HDAC4: variants seen among roughly 807,000 people sequenced by gnomAD.
HDAC4 encodes histone deacetylase A.
Under a neutral mutation model 135.1 loss-of-function variants are expected in HDAC4, and 16 were observed. That is an observed-to-expected ratio of 0.12 (90% confidence interval 0.08 to 0.18). The LOEUF (loss-of-function observed/expected upper bound fraction) is 0.18, where lower values mean the gene tolerates loss of function less well. Ranked by LOEUF, HDAC4 falls within the 10% of genes least tolerant of loss-of-function variation. HDAC4 has a pLI of 1.00. For synonymous variants in HDAC4, 685 were observed against 653.4 expected (o/e 1.05, Z -0.74); for missense variants, 1,143 against 1,511.8 (o/e 0.76, Z 4.05).
chr2:239,095,064 G>A lies in HDAC4; in HGVS notation c.2234-8C>T, dbSNP rs199975890. 2.9e-5 allele frequency: 46 copies of A among 1,613,700 alleles called. No homozygotes were observed. The highest frequency in any genetic ancestry group is 3.7e-5 in the Non-Finnish European group (44 of 1,179,960). On this transcript the variant is annotated splice_region_variant and splice_polypyrimidine_tract_variant and intron_variant, in intron 16 of 26. Transcript: ENST00000543185. ...ACACGGAGGCGAGCGAGCCTGTGGG[G>A]GGGAGGGAGACGGTCAGAGAGGCCA...
In HDAC4 at chr2:239,087,734, C is replaced by G. The variant is rs567941617; in HGVS notation, c.2389-120G>C. 2.2e-5 allele frequency: 20 copies of G among 926,742 alleles called. No individual in the cohort carries two copies. The South Asian group carries it at 2.8e-4, about 13-fold the overall frequency. 57.4% of individuals were successfully genotyped at this position (926,742 alleles called of 1,614,324 possible). ...GGCTACACAGGAGGACAGTTTCTTG[C>G]TGCACCCTGGCCACAGTGATGGGGA... On this transcript the variant is annotated intron_variant, in intron 18 of 26. Coordinates refer to ENST00000543185, the MANE Select transcript of HDAC4 (RefSeq NM_001378414.1).
In HDAC4 at chr2:239,331,752, C is replaced by T. The variant is rs1415076570; in HGVS notation, c.22+20926G>A. On this transcript the variant is annotated intron_variant, in intron 2 of 26. Coordinates refer to ENST00000543185, the MANE Select transcript of HDAC4 (RefSeq NM_001378414.1). This position sits in a 1 kb window ranked among gnomAD's most constrained non-coding sequence, Gnocchi z 4.5. ...AGAGGACAGGATGCAATCTAAAACACGGCGATGCACGAGGAGCCCAGGCCT... is the reference window on the plus strand; with the variant it reads ...AGAGGACAGGATGCAATCTAAAACATGGCGATGCACGAGGAGCCCAGGCCT... 1.3e-5 allele frequency among the ~76,000 whole-genome samples: 2 copies of T among 152,086 alleles called. No individual in the cohort carries two copies. Among genetic ancestry groups the T allele is most frequent in the Admixed American group, 6.5e-5 (1 of 15,282 alleles).
At chr2:239,053,826 TC>T (rs1200311639) in intron 25 of HDAC4, among the ~76,000 whole-genome samples, 8 of 152,102 alleles carry the variant, frequency 5.3e-5, no homozygotes, top group African/African-American at 1.9e-4. Flanking sequence ...GTGGCTCGAG[TC>T]CCTCCAGGAG....
chr2:239,063,499 C>T (rs2033078093), intron 24 of HDAC4, among the ~76,000 whole-genome samples: 4 of 152,212 alleles, frequency 2.6e-5, no homozygotes, highest in Admixed American at 1.3e-4. Flanking sequence ...CCACTGCGCC[C>T]GGCCAGCCCT....
intron 2 of HDAC4, among the ~76,000 whole-genome samples, chr2:239,263,095 C>T (rs1487888968): frequency 6.6e-6 from 1 of 152,198 alleles, no homozygotes; most frequent in Non-Finnish European, 1.5e-5. Context: ...GGCGGTGACA[C>T]AGGCACATAC....
At chr2:239,113,778 G>A (rs1012119224) in intron 13 of HDAC4, among the ~76,000 whole-genome samples, 1 of 152,212 alleles carries the variant, frequency 6.6e-6, no homozygotes, top group African/African-American at 2.4e-5. Flanking sequence ...AGGACCTGTG[G>A]ACGAGTGTTC....
At chr2:239,335,057 T>G (rs1195165776) in intron 2 of HDAC4, among the ~76,000 whole-genome samples, 1 of 142,306 alleles carries the variant, frequency 7.0e-6, no homozygotes. Flanking sequence ...CATATGGAAA[T>G]GCAAAGGGCT....
At chr2:239,056,114 G>A (rs915465162) in intron 24 of HDAC4, among the ~76,000 whole-genome samples, 42 of 152,348 alleles carry the variant, frequency 2.8e-4, no homozygotes, top group Admixed American at 1.5e-3. Flanking sequence ...AGGCCAGGGC[G>A]CCAGGCAGAA....
At chr2:239,275,005 A>G (rs2050270334) in intron 2 of HDAC4, among the ~76,000 whole-genome samples, 1 of 152,262 alleles carries the variant, frequency 6.6e-6, no homozygotes, top group South Asian at 2.1e-4. Flanking sequence ...AGAACAGATC[A>G]GCGGAGGGGC....
intron 12 of HDAC4, among the ~76,000 whole-genome samples, chr2:239,121,382 T>C (rs1457996985): frequency 6.6e-6 from 1 of 152,132 alleles, no homozygotes; most frequent in Non-Finnish European, 1.5e-5. Flanking sequence ...CCTCTCTTCC[T>C]GGGGGGCTGT....
At chr2:239,326,182 C>T (rs1203214450) in intron 2 of HDAC4, among the ~76,000 whole-genome samples, 1 of 152,048 alleles carries the variant, frequency 6.6e-6, no homozygotes, top group Non-Finnish European at 1.5e-5. Flanking sequence ...ACTGCTCATC[C>T]TTAAAAGTTT....
intron 17 of HDAC4, among the ~76,000 whole-genome samples, chr2:239,093,565 T>C (rs1308092825): frequency 4.6e-5 from 7 of 152,240 alleles, no homozygotes; most frequent in Non-Finnish European, 7.3e-5. Context: ...TGCCGGTGGC[T>C]GTACCTCAGG....
intron 2 of HDAC4, among the ~76,000 whole-genome samples, chr2:239,315,998 G>A (rs2053098719): frequency 6.6e-6 from 1 of 152,134 alleles, no homozygotes; most frequent in Non-Finnish European, 1.5e-5. Context: ...GAAAGACAAA[G>A]GCCAAAATCT....
chr2:239,301,642 A>G (rs2052278714), intron 2 of HDAC4, among the ~76,000 whole-genome samples: 1 of 151,992 alleles, frequency 6.6e-6, no homozygotes, highest in African/African-American at 2.4e-5. Flanking sequence ...CACCATGCCC[A>G]GCTAATGTTT....
At chr2:239,084,363 C>G in intron 19 of HDAC4, 121 bp from the exon 20 acceptor site, 1 of 715,900 alleles carries the variant, frequency 1.4e-6, no homozygotes, top group Non-Finnish European at 2.5e-6. Flanking sequence ...GAGTGCAGAG[C>G]TCCTGAATAC....
intron 22 of HDAC4, among the ~76,000 whole-genome samples, chr2:239,072,399 T>A (rs2034289254): frequency 6.6e-6 from 1 of 152,208 alleles, no homozygotes; most frequent in African/African-American, 2.4e-5. Context: ...GGGGGTCCCC[T>A]CACCAAGCCC....
rs944905167 is a variant in HDAC4, at chr2:239,370,091, C to T, written c.-219-17173G>A. Among the ~76,000 whole-genome samples the T allele has an allele frequency of 6.6e-4, 100 of 152,362 alleles. 1 individual carries two copies. The highest frequency in any genetic ancestry group is 2.2e-3 in the African/African-American group (90 of 41,590). On this transcript the variant is annotated intron_variant, in intron 1 of 26. Coordinates refer to ENST00000543185, the MANE Select transcript of HDAC4 (RefSeq NM_001378414.1). Reference sequence around the variant, plus strand: ...CGGGGCCCTGTACAGGACGGCAGGCCGTCTGCCCTGTGTCCCCGGGACTGG... The same window carrying T: ...CGGGGCCCTGTACAGGACGGCAGGCTGTCTGCCCTGTGTCCCCGGGACTGG...
intron 2 of HDAC4, among the ~76,000 whole-genome samples, chr2:239,250,245 G>C (rs2048707736): frequency 6.6e-6 from 1 of 152,254 alleles, no homozygotes; most frequent in Non-Finnish European, 1.5e-5. Context: ...TGAGAACCCA[G>C]CTGATGAAGA....
In HDAC4 at chr2:239,123,630, C is replaced by T. The variant is rs528707035; in HGVS notation, c.1533+2826G>A. 1.9e-4 allele frequency among the ~76,000 whole-genome samples: 29 copies of T among 152,342 alleles called. No homozygotes were observed. In the East Asian group the frequency reaches 4.4e-3, roughly 23 times the overall value. ...CTTCCCCGACTCAGCCCCACTGGAC[C>T]GGACACCACGCAATCAAAGCCTTTG... is the stretch of plus-strand genomic sequence containing the variant. On this transcript the variant is annotated intron_variant, in intron 12 of 26. Coordinates refer to ENST00000543185, the MANE Select transcript of HDAC4 (RefSeq NM_001378414.1).
Sources: allele counts gnomAD v4.1 joint callset (sites outside exome capture counted in the v4.1 genomes callset), GRCh38; gene constraint gnomAD v4.1.1; non-coding constraint Gnocchi (gnomAD v3.1); transcripts MANE v1.5; gene names NCBI Gene and HGNC (gene_info 2026-07-23, HGNC 2026-07-21).